The following KCNH1 variants were observed in gnomAD, a reference collection of about 807,000 sequenced individuals.
The protein encoded by KCNH1 is potassium voltage-gated channel subfamily H member 1, also known as voltage-gated delayed rectifier potassium channel KCNH1.
Under a neutral mutation model 69.2 loss-of-function variants are expected in KCNH1, and 27 were observed. That is an observed-to-expected ratio of 0.39 (90% CI 0.29 to 0.54). The LOEUF is 0.54. KCNH1 is among the 20% of genes least tolerant of loss of function. The pLI is 0.68. For missense variants in KCNH1, 798 were observed against 1,261.6 expected (o/e 0.63, Z 5.57); for synonymous variants, 456 against 487.7 (o/e 0.93, Z 0.86).
intron 5 of KCNH1, among the ~76,000 whole-genome samples, chr1:211,065,099 A>G (rs1025367277): frequency 6.6e-6 from 1 of 152,252 alleles, no homozygotes; most frequent in Admixed American, 6.5e-5. Flanking sequence ...TATTTAAAAT[A>G]GAATGACCAT....
intron 9 of KCNH1, among the ~76,000 whole-genome samples, chr1:210,783,054 A>T (rs1684020743): frequency 6.6e-6 from 1 of 152,280 alleles, no homozygotes; most frequent in Non-Finnish European, 1.5e-5. Flanking sequence ...CTTAGAACAT[A>T]GTAGGGGTTC....
chr1:210,782,974 T>C (rs1380720147), intron 9 of KCNH1, among the ~76,000 whole-genome samples: 1 of 152,208 alleles, frequency 6.6e-6, no homozygotes, highest in Non-Finnish European at 1.5e-5. Flanking sequence ...TGGAATAGAC[T>C]AAGACACCAT....
chr1:210,742,813 G>A (rs1683063748), intron 10 of KCNH1, among the ~76,000 whole-genome samples: 3 of 152,212 alleles, frequency 2.0e-5, no homozygotes, highest in African/African-American at 7.2e-5. Flanking sequence ...TGCAAGTTAC[G>A]AACGAGGAGG....
intron 9 of KCNH1, among the ~76,000 whole-genome samples, chr1:210,785,460 T>A (rs1684080243): frequency 6.6e-6 from 1 of 151,286 alleles, no homozygotes; most frequent in Non-Finnish European, 1.5e-5. Context: ...AGTGGTGCAA[T>A]CTTGGCTCAC....
At chr1:210,759,934 G>A (rs998195429) in intron 10 of KCNH1, among the ~76,000 whole-genome samples, 6 of 152,228 alleles carry the variant, frequency 3.9e-5, no homozygotes, top group African/African-American at 7.2e-5. Flanking sequence ...GGAGATGAGC[G>A]GCAGGTGAGC....
intron 9 of KCNH1, among the ~76,000 whole-genome samples, chr1:210,789,145 T>C (rs898054276): frequency 6.6e-6 from 1 of 152,190 alleles, no homozygotes; most frequent in South Asian, 2.1e-4. Context: ...CATTATTATA[T>C]GGCAAGTGGC....
At chr1:210,796,338 T>C (rs1183859289) in intron 9 of KCNH1, among the ~76,000 whole-genome samples, 1 of 152,118 alleles carries the variant, frequency 6.6e-6, no homozygotes, top group African/African-American at 2.4e-5. Flanking sequence ...AACCATTTCA[T>C]AGGGTTACTG....
At chr1:210,835,666 T>G (rs530452154) in intron 7 of KCNH1, among the ~76,000 whole-genome samples, 1 of 152,194 alleles carries the variant, frequency 6.6e-6, no homozygotes, top group East Asian at 1.9e-4. Flanking sequence ...AGTTAGACAC[T>G]TCAGAGAAAT....
intron 10 of KCNH1, among the ~76,000 whole-genome samples, chr1:210,756,484 C>A (rs1683403093): frequency 6.6e-6 from 1 of 152,222 alleles, no homozygotes; most frequent in Admixed American, 6.5e-5. Flanking sequence ...GCAAATAGAT[C>A]TCCAAGTGAT....
At chr1:211,090,771 AG>A in intron 3 of KCNH1, 81 bp from the exon 4 acceptor site, 1 of 1,224,774 alleles carries the variant, frequency 8.2e-7, no homozygotes, top group Non-Finnish European at 1.2e-6. Flanking sequence ...GGGAATGAAT[AG>A]GTACAAATAT....
intron 10 of KCNH1, among the ~76,000 whole-genome samples, chr1:210,731,039 C>T (rs1411255045): frequency 6.6e-6 from 1 of 152,186 alleles, no homozygotes; most frequent in Non-Finnish European, 1.5e-5. Context: ...GAATCTATGA[C>T]ATGAAAGGGG....
rs541849272 is a variant in KCNH1, at chr1:210,868,648, ATCT to A, written c.1462+50989_1462+50991del. On this transcript the variant is annotated intron_variant, in intron 7 of 10. Coordinates refer to ENST00000271751, the MANE Select transcript of KCNH1 (RefSeq NM_172362.3). ...TGAAAGCCTATTTCCCCACTAAAAT[ATCT>A]TCTTAACAACATTTAATCACAAGAT... Among the ~76,000 whole-genome samples, 29 of 152,154 alleles carry A rather than the reference ATCT, an allele frequency of 1.9e-4. No homozygotes were observed. The East Asian group carries it at 4.4e-3, about 23-fold the overall frequency.
intron 7 of KCNH1, among the ~76,000 whole-genome samples, chr1:210,905,444 C>T (rs1423446922): frequency 1.3e-5 from 2 of 152,124 alleles, no homozygotes; most frequent in African/African-American, 2.4e-5. Context: ...GGGGTTAAAT[C>T]TCCTCCCTTA....
chr1:210,703,136 T>C (rs1334378794), intron 10 of KCNH1, among the ~76,000 whole-genome samples: 4 of 152,136 alleles, frequency 2.6e-5, no homozygotes, highest in African/African-American at 9.7e-5. Flanking sequence ...AAAATAAATT[T>C]GGGTCCATAA....
At chr1:210,685,655 T>C (rs749689657) in intron 10 of KCNH1, among the ~76,000 whole-genome samples, 7 of 152,192 alleles carry the variant, frequency 4.6e-5, no homozygotes, top group African/African-American at 7.2e-5. Flanking sequence ...AGATGACTTA[T>C]ATGAAATCAC....
chr1:211,109,316 G>A (rs543578802), intron 1 of KCNH1, among the ~76,000 whole-genome samples: 2 of 152,180 alleles, frequency 1.3e-5, no homozygotes, highest in Non-Finnish European at 2.9e-5. Context: ...CTGAAGACTA[G>A]ACTGGGAAGG....
Position 211,122,199 on chromosome 1 carries a change from T to C in KCNH1, c.79+11668A>G, listed in dbSNP as rs1691699855. ...ACAGACACTTCTCAAAATAAGACAT[T>C]TATGTAGCCAACAAACATATGAAAA... On this transcript the variant is annotated intron_variant, in intron 1 of 10. Transcript: ENST00000271751. Among the ~76,000 whole-genome samples, 3 of 151,256 alleles carry C rather than the reference T, an allele frequency of 2.0e-5. No homozygotes were observed. The South Asian group carries it at 6.3e-4, about 32-fold the overall frequency.
intron 5 of KCNH1, among the ~76,000 whole-genome samples, chr1:211,045,074 T>C (rs1367386322): frequency 5.0e-5 from 2 of 39,978 alleles, no homozygotes; most frequent in East Asian, 4.2e-4. Flanking sequence ...AATAGAATAG[T>C]GGTCTCAGCA....
chr1:210,846,890 T>A (rs1685563415), intron 7 of KCNH1, among the ~76,000 whole-genome samples: 1 of 151,614 alleles, frequency 6.6e-6, no homozygotes, highest in African/African-American at 2.4e-5. Context: ...ACAAGAAAAA[T>A]CAAACAACCC....
Sources: gnomAD v4.1 joint callset for allele counts (sites outside exome capture counted in the v4.1 genomes callset) on GRCh38, gnomAD v4.1.1 for gene constraint, MANE v1.5 for transcripts, NCBI Gene and HGNC (gene_info 2026-07-23, HGNC 2026-07-21) for gene names.